The following ARHGEF38 variants were observed in gnomAD, a reference collection of about 807,000 sequenced individuals.
The protein encoded by ARHGEF38 is Rho guanine nucleotide exchange factor 38, also known as Rho guanine nucleotide exchange factor (GEF) 38.
Under a neutral mutation model 79.9 loss-of-function variants are expected in ARHGEF38, and 79 were observed. The observed-to-expected ratio is 0.99, with a 90% CI of 0.82 to 1.19. The LOEUF is 1.19. Ranked by LOEUF, ARHGEF38 falls within the 50% of genes most tolerant of loss-of-function variation. The pLI is 0.00. For missense variants in ARHGEF38, 962 were observed against 907.2 expected, an observed-to-expected ratio of 1.06 and a Z score of -0.78; for synonymous variants, 366 against 328.3, an observed-to-expected ratio of 1.11 and a Z score of -1.24.
intron 2 of ARHGEF38, among the ~76,000 whole-genome samples, chr4:105,600,878 G>C (rs980052201): frequency 3.9e-5 from 6 of 152,080 alleles, no homozygotes; most frequent in Admixed American, 2.6e-4. Context: ...AGATCGATCA[G>C]CAAATTCTTT....
chr4:105,631,218 C>CT (rs55893297), intron 4 of ARHGEF38, 173 bp downstream of exon 4: 8 of 1,257,336 alleles, frequency 6.4e-6, no homozygotes, highest in Non-Finnish European at 8.0e-6. Flanking sequence ...CCCTGATTGA[C>CT]TTTTTTTCCC....
chr4:105,588,614 TTC>T (rs2110455071), intron 1 of ARHGEF38, among the ~76,000 whole-genome samples: 1 of 152,354 alleles, frequency 6.6e-6, no homozygotes, highest in South Asian at 2.1e-4. Flanking sequence ...AATTAAAACT[TTC>T]TGTTCGACAG....
chr4:105,654,301 G>A (rs1254299016), intron 8 of ARHGEF38, 132 bp downstream of exon 8: 3 of 531,022 alleles, frequency 5.6e-6, no homozygotes, highest in African/African-American at 3.8e-5. Context: ...AAAATTGGAA[G>A]GCTGCAAACT....
intron 3 of ARHGEF38, among the ~76,000 whole-genome samples, chr4:105,623,918 A>T (rs1287904160): frequency 6.6e-6 from 1 of 152,108 alleles, no homozygotes; most frequent in Non-Finnish European, 1.5e-5. Flanking sequence ...AGATGTACTG[A>T]GTGGATGCCA....
chr4:105,620,845 C>T (rs1728710057), intron 3 of ARHGEF38, among the ~76,000 whole-genome samples: 1 of 152,170 alleles, frequency 6.6e-6, no homozygotes, highest in Admixed American at 6.5e-5. Flanking sequence ...GTCATATTGA[C>T]TCTGGACTGG....
intron 10 of ARHGEF38, among the ~76,000 whole-genome samples, chr4:105,660,764 C>G (rs1224993866): frequency 6.6e-6 from 1 of 152,142 alleles, no homozygotes; most frequent in African/African-American, 2.4e-5. Flanking sequence ...CTTTTTACAG[C>G]TTTATAGTAA....
chr4:105,679,563 G>T lies in ARHGEF38; in HGVS notation c.*1626G>T, dbSNP rs922349425. On this transcript the variant is annotated 3_prime_UTR_variant, in exon 14 of 14. Transcript: ENST00000420470. ...TAAAGCTGCAGCCAATGCATCTATC[G>T]CCCCTTTCTCTTCTATCAGTATCTG... is the stretch of plus-strand genomic sequence containing the variant. The T allele has an allele frequency of 7.7e-6, 8 of 1,040,326 alleles. No individual in the cohort carries two copies. The highest frequency in any genetic ancestry group is 1.2e-5 in the Non-Finnish European group (8 of 659,168). The allele number at this position is 1,040,326 out of a possible 1,614,324, so 64.4% of individuals were successfully genotyped here. A position where few individuals can be genotyped will look rare whatever the true frequency, so the allele number is the denominator to read the frequency against.
At chr4:105,670,659 A>G (rs72669999) in intron 13 of ARHGEF38, among the ~76,000 whole-genome samples, 5,790 of 152,180 alleles carry the variant, frequency 0.038, 158 homozygotes, top group Non-Finnish European at 0.06. Context: ...TCAAAACACT[A>G]TTTCTCTATT....
chr4:105,607,106 G>A (rs1036428136), intron 2 of ARHGEF38, among the ~76,000 whole-genome samples: 31 of 152,182 alleles, frequency 2.0e-4, no homozygotes, highest in African/African-American at 5.8e-4. Context: ...GGTTCAGGCC[G>A]ATTCATCCAG....
chr4:105,642,792 T>C lies in ARHGEF38; in HGVS notation c.675-2396T>C, dbSNP rs201094826. ...AAGACCACACTAATAAACTATTTTA[T>C]TAAAGTTGAATTTATATTGATTTAA... On this transcript the variant is annotated intron_variant, in intron 5 of 13. Coordinates refer to ENST00000420470, the MANE Select transcript of ARHGEF38 (RefSeq NM_001242729.2). Among the ~76,000 whole-genome samples, 15 of 152,288 alleles carry C rather than the reference T, an allele frequency of 9.8e-5. No individual in the cohort carries two copies. In the East Asian group the frequency reaches 2.5e-3, roughly 25 times the overall value.
intron 2 of ARHGEF38, among the ~76,000 whole-genome samples, chr4:105,609,899 C>T (rs1393060153): frequency 6.6e-6 from 1 of 152,094 alleles, no homozygotes; most frequent in Non-Finnish European, 1.5e-5. Flanking sequence ...TATAAAGACA[C>T]ATGCACACGT....
chr4:105,589,197 A>T, intron 1 of ARHGEF38, 51 bp from the exon 2 acceptor site: 1 of 1,489,114 alleles, frequency 6.7e-7, no homozygotes, highest in South Asian at 1.3e-5. Flanking sequence ...GTAATGAAGG[A>T]AAAAGAAACC....
chr4:105,674,159 A>G (rs1358382766), intron 13 of ARHGEF38, among the ~76,000 whole-genome samples: 3 of 152,178 alleles, frequency 2.0e-5, no homozygotes, highest in African/African-American at 7.2e-5. Flanking sequence ...TACCACAGGG[A>G]AAGATCTAGT....
intron 1 of ARHGEF38, among the ~76,000 whole-genome samples, chr4:105,555,439 G>A (rs781480451): frequency 2.5e-4 from 38 of 152,248 alleles, no homozygotes; most frequent in East Asian, 5.8e-4. Context: ...AGTTCTGTGC[G>A]TTTGTTCTCT....
chr4:105,574,453 G>A (rs760506956), intron 1 of ARHGEF38, among the ~76,000 whole-genome samples: 3 of 151,858 alleles, frequency 2.0e-5, no homozygotes, highest in Middle Eastern at 3.4e-3. Flanking sequence ...TGGAGGCTGA[G>A]GCAGGAAAAT....
At chr4:105,554,468 G>A (rs148243741) in intron 1 of ARHGEF38, among the ~76,000 whole-genome samples, 5 of 152,210 alleles carry the variant, frequency 3.3e-5, no homozygotes, top group African/African-American at 1.2e-4. Flanking sequence ...TTGGTTTGCT[G>A]TTCCAGCATT....
rs148549481 is a variant in ARHGEF38, at chr4:105,627,805, T to C, written c.509-3093T>C. 5.2e-4 allele frequency among the ~76,000 whole-genome samples: 79 copies of C among 152,234 alleles called. 1 individual carries two copies. Among genetic ancestry groups the C allele is most frequent in the African/African-American group, 1.8e-3 (75 of 41,548 alleles). ...TAAAGAAATGCAGCCGAGAGTTATG[T>C]TACCGTGGAAACAGAATCACTTTTT... On this transcript the variant is annotated intron_variant, in intron 3 of 13. Coordinates refer to ENST00000420470, the MANE Select transcript of ARHGEF38 (RefSeq NM_001242729.2).
chr4:105,556,481 T>C (rs2110387486), intron 1 of ARHGEF38, among the ~76,000 whole-genome samples: 1 of 152,062 alleles, frequency 6.6e-6, no homozygotes, highest in East Asian at 1.9e-4. Context: ...TGTCAGAAAA[T>C]GGTGTCTCTA....
In ARHGEF38 at chr4:105,567,859, C is replaced by G. The variant is rs912198417; in HGVS notation, c.196+14898C>G. ...AGTTAGTTACATACGTATACATGTG[C>G]CACGCTGGTGCGCTGCACCCACTAA... On this transcript the variant is annotated intron_variant, in intron 1 of 13. Transcript: ENST00000420470. Among the ~76,000 whole-genome samples the G allele has an allele frequency of 3.9e-4, 59 of 151,616 alleles. 1 individual carries two copies. The highest frequency in any genetic ancestry group is 1.2e-4 in the Non-Finnish European group (8 of 67,902).
Sources: allele counts gnomAD v4.1 joint callset (sites outside exome capture counted in the v4.1 genomes callset), GRCh38; gene constraint gnomAD v4.1.1; transcripts MANE v1.5; gene names NCBI Gene and HGNC (gene_info 2026-07-23, HGNC 2026-07-21).